Variants in LRP5 observed in about 807,000 individuals in gnomAD.
LRP5 encodes low-density lipoprotein receptor-related protein 5.
LRP5 carries 62 observed loss-of-function variants against 154.1 expected under a neutral mutation model. That is an observed-to-expected ratio of 0.40 (90% CI 0.33 to 0.50). The LOEUF is 0.50. Ranked by LOEUF, LRP5 falls within the 20% of genes least tolerant of loss-of-function variation. LRP5 has a pLI of 0.55. For synonymous variants in LRP5, 966 were observed against 1,011.5 expected (o/e 0.96, Z 0.85); for missense variants, 1,915 against 2,336.7 (o/e 0.82, Z 3.72).
chr11:68,360,051 A>G (rs2098626458), intron 3 of LRP5, among the ~76,000 whole-genome samples: 1 of 151,870 alleles, frequency 6.6e-6, no homozygotes, highest in South Asian at 2.1e-4. Context: ...AGCCTCTCAA[A>G]GTGCTGGGAT....
chr11:68,393,706 G>A (rs147188702), intron 7 of LRP5, among the ~76,000 whole-genome samples: 19,818 of 152,118 alleles, frequency 0.13, 1,425 homozygotes, highest in Non-Finnish European at 0.17. Flanking sequence ...ACTTGAACCC[G>A]GGAGGCAGAG....
At chr11:68,323,095 C>T (rs1457092117) in intron 1 of LRP5, among the ~76,000 whole-genome samples, 1 of 152,104 alleles carries the variant, frequency 6.6e-6, no homozygotes, top group African/African-American at 2.4e-5. Flanking sequence ...ATTAAAAAGT[C>T]TTGGTGGTTT....
At chr11:68,402,449 T>A (rs2098653138) in intron 7 of LRP5, among the ~76,000 whole-genome samples, 2 of 152,200 alleles carry the variant, frequency 1.3e-5, no homozygotes, top group African/African-American at 4.8e-5. Flanking sequence ...ATCTGAGACC[T>A]GCAGGCTCAG....
chr11:68,408,242 A>ATT (rs11299690), intron 9 of LRP5, among the ~76,000 whole-genome samples: 3,756 of 50,630 alleles, frequency 0.074, no homozygotes, highest in African/African-American at 0.084. Context: ...CTCCTGGCTG[A>ATT]TTTTTTTTTT....
intron 10 of LRP5, 28 bp from the exon 11 acceptor site, chr11:68,411,408 G>A: frequency 1.2e-6 from 2 of 1,606,618 alleles, no homozygotes; most frequent in South Asian, 1.1e-5. Context: ...GACTCACTGA[G>A]CCTGCCCTTC....
intron 5 of LRP5, among the ~76,000 whole-genome samples, chr11:68,367,627 G>A (rs1195111941): frequency 6.6e-6 from 1 of 152,234 alleles, no homozygotes; most frequent in East Asian, 1.9e-4. Context: ...GCTGGACCCT[G>A]CGCTCTGCAG....
chr11:68,343,906 C>T (rs1435352142), intron 1 of LRP5, among the ~76,000 whole-genome samples: 1 of 152,154 alleles, frequency 6.6e-6, no homozygotes, highest in African/African-American at 2.4e-5. Flanking sequence ...TGTGCCGGGG[C>T]CTGGGGGCAG....
intron 1 of LRP5, among the ~76,000 whole-genome samples, chr11:68,339,428 A>C (rs542391405): frequency 8.0e-4 from 121 of 152,112 alleles, no homozygotes; most frequent in Admixed American, 5.9e-3. Context: ...GCTCACTGCA[A>C]CCTCTGTTTC....
intron 5 of LRP5, among the ~76,000 whole-genome samples, chr11:68,385,264 C>A (rs2098642351): frequency 6.6e-6 from 1 of 152,166 alleles, no homozygotes; most frequent in Admixed American, 6.5e-5. Context: ...TGAACCCTGT[C>A]CACCTGTGCC....
chr11:68,433,835 G>C lies in LRP5; in HGVS notation c.3997G>C (p.Asp1333His). ...GGACCGCTCAGACGAGGCGGACTGT[G>C]ACGGTGAGGCCCTCCCCGTCAAGGC... ...CQDRSDEADC[D>H]AICLPNQFRC... Residue 1333 changes from aspartate to histidine, a missense_variant, in exon 18 of 23, where the codon GAC becomes CAC. Asp to His is a moderately conservative substitution (Grantham distance 81). Transcript: ENST00000294304. 6.2e-7 allele frequency: 1 copy of C among 1,612,060 alleles called. No homozygotes were observed. Among genetic ancestry groups the C allele is most frequent in the East Asian group, 2.2e-5 (1 of 44,874 alleles).
rs1314838553 is a variant in LRP5 at position 68,446,517 on chromosome 11, A to C, written c.4570A>C (p.Thr1524Pro). The C allele has an allele frequency of 6.2e-7, 1 of 1,614,054 alleles. No homozygotes were observed. The highest frequency in any genetic ancestry group is 8.5e-7 in the Non-Finnish European group (1 of 1,179,936). The part of the protein sequence containing the change: ...DMFYSSNIPA[T>P]ARPYRPYIIR... ...GTTCTACTCTTCAAACATTCCGGCC[A>C]CTGCGAGACCGTACAGGTAGGACAT... The change falls in exon 22 of 23, where the codon ACT becomes CCT. Residue 1524 changes from threonine (T) to proline (P), a missense_variant. By Grantham distance (38) the Thr-to-Pro change is conservative. Transcript: ENST00000294304.
chr11:68,363,656 CAA>C (rs878962750), intron 3 of LRP5, 89 bp from the exon 4 acceptor site: 2,039 of 859,018 alleles, frequency 2.4e-3, no homozygotes, highest in Admixed American at 3.3e-3. Context: ...GACTCCATCT[CAA>C]AAAAAAAAAA....
intron 8 of LRP5, 49 bp downstream of exon 8, chr11:68,403,748 G>A: frequency 6.2e-7 from 1 of 1,607,688 alleles, no homozygotes; most frequent in Non-Finnish European, 8.5e-7. Context: ...AGACTTGCAT[G>A]AGGAGGAAGT....
rs116839749 is a variant in LRP5 at position 68,351,005 on chromosome 11, C to T, written c.488+2762C>T. Among the ~76,000 whole-genome samples the T allele has an allele frequency of 7.2e-3, 1,092 of 152,166 alleles. 12 individuals carry two copies. Among genetic ancestry groups the T allele is most frequent in the African/African-American group, 0.025 (1,042 of 41,520 alleles). On this transcript the variant is annotated intron_variant, in intron 2 of 22. Transcript: ENST00000294304. The stretch of plus-strand genomic sequence containing the variant: ...GGATATTTGTGTGTGTATGAGTGTG[C>T]GCATGTGACTGTGTGTGCACGTGTA...
chr11:68,301,674 G>A, the LRP5 span, among the ~76,000 whole-genome samples: 1 of 144,882 alleles, frequency 6.9e-6, no homozygotes, highest in Non-Finnish European at 1.6e-5. Context: ...CCAGGCTGGA[G>A]TGCAGTGGTG....
intron 5 of LRP5, among the ~76,000 whole-genome samples, chr11:68,381,193 A>G (rs1042349506): frequency 1.3e-5 from 2 of 152,178 alleles, no homozygotes; most frequent in African/African-American, 4.8e-5. Flanking sequence ...GCCAGGAAGG[A>G]TCCTGCCCTG....
chr11:68,320,250 A>G (rs2098595996), intron 1 of LRP5, among the ~76,000 whole-genome samples: 1 of 152,032 alleles, frequency 6.6e-6, no homozygotes, highest in Non-Finnish European at 1.5e-5. Context: ...GAGAACACAC[A>G]CTTTCCTATA....
At chr11:68,309,589 T>C (rs1267120665), upstream of LRP5, among the ~76,000 whole-genome samples, 6 of 151,884 alleles carry the variant, frequency 4.0e-5, no homozygotes, top group Non-Finnish European at 7.4e-5. Flanking sequence ...GCTTTTTTTT[T>C]TTTTTTTTTA....
intron 2 of LRP5, among the ~76,000 whole-genome samples, chr11:68,354,011 A>G (rs2098620969): frequency 6.6e-6 from 1 of 152,196 alleles, no homozygotes; most frequent in Non-Finnish European, 1.5e-5. Flanking sequence ...GGCCAGAAAG[A>G]CACTGGCTTA....
Sources: allele counts gnomAD v4.1 joint callset (sites outside exome capture counted in the v4.1 genomes callset), GRCh38; gene constraint gnomAD v4.1.1; transcripts MANE v1.5; gene names NCBI Gene and HGNC (gene_info 2026-07-23, HGNC 2026-07-21).